TMEM100: variants seen among roughly 807,000 people sequenced by gnomAD.
TMEM100 encodes transmembrane protein 100.
For synonymous variants in TMEM100, 61 were observed against 67.1 expected, an observed-to-expected ratio of 0.91 and a Z score of 0.44; for missense variants, 137 against 168.2, an observed-to-expected ratio of 0.81 and a Z score of 1.02.
Position 55,720,398 on chromosome 17 carries a change from G to T in TMEM100, c.*268C>A. 2.1e-6 allele frequency: 1 copy of T among 472,998 alleles called. No homozygotes were observed. Among genetic ancestry groups the T allele is most frequent in the African/African-American group, 1.9e-5 (1 of 51,834 alleles). 29.3% of individuals were successfully genotyped at this position (472,998 alleles called of 1,614,324 possible). A position where few individuals can be genotyped will look rare whatever the true frequency, so the allele number is the denominator to read the frequency against. On this transcript the variant is annotated 3_prime_UTR_variant, in exon 2 of 2. Coordinates refer to ENST00000424486, the MANE Select transcript of TMEM100 (RefSeq NM_018286.3). ...CAGGGTGAACCAAATACTGTCTAAT[G>T]CTGTGCACTCCCATGACCCCCAAAG...
upstream of TMEM100, among the ~76,000 whole-genome samples, chr17:55,725,701 A>ATGTGTGTGTGTGTGTG (rs57564459): frequency 1.1e-4 from 16 of 139,678 alleles, no homozygotes; most frequent in East Asian, 1.3e-3. Context: ...ACCCATATAT[A>ATGTGTGTGTGTGTGTG]TGTGTGTGTG....
chr17:55,722,162 G>A (rs1908914264), intron 1 of TMEM100, among the ~76,000 whole-genome samples: 1 of 152,164 alleles, frequency 6.6e-6, no homozygotes, highest in East Asian at 1.9e-4. Flanking sequence ...CTGTCTATGA[G>A]AAATCAGTGA....
intron 1 of TMEM100, among the ~76,000 whole-genome samples, chr17:55,728,323 G>T: frequency 6.6e-6 from 1 of 152,202 alleles, no homozygotes; most frequent in South Asian, 2.1e-4. Context: ...TGGGTTCAGG[G>T]TGATATCCTC....
At chr17:55,730,552 C>T (rs575427229) in intron 1 of TMEM100, among the ~76,000 whole-genome samples, 2 of 151,978 alleles carry the variant, frequency 1.3e-5, no homozygotes, top group Non-Finnish European at 2.9e-5. Context: ...AGTAAACTTG[C>T]CTTCAAATAA....
intron 1 of TMEM100, among the ~76,000 whole-genome samples, chr17:55,729,590 C>T (rs572356792): frequency 2.2e-4 from 34 of 152,038 alleles, no homozygotes; most frequent in African/African-American, 6.3e-4. Flanking sequence ...AATAAAATTT[C>T]GAGTAAAATT....
intron 1 of TMEM100, among the ~76,000 whole-genome samples, chr17:55,728,341 A>T (rs943239936): frequency 6.6e-6 from 1 of 152,086 alleles, no homozygotes; most frequent in Non-Finnish European, 1.5e-5. Flanking sequence ...CTCTAACTAG[A>T]TTTAGTTTGG....
In TMEM100 at chr17:55,721,092, C is replaced by A; in HGVS notation, c.-22G>T. ...TCATTTTTACAACAGTGCTTCTAAGCTGGGTTTACAGACTAGATCTGGACA... is the reference window on the plus strand; with the variant it reads ...TCATTTTTACAACAGTGCTTCTAAGATGGGTTTACAGACTAGATCTGGACA... On this transcript the variant is annotated 5_prime_UTR_variant, in exon 2 of 2. Coordinates refer to ENST00000424486, the MANE Select transcript of TMEM100 (RefSeq NM_018286.3). 6.3e-7 allele frequency: 1 copy of A among 1,589,308 alleles called. No homozygotes were observed. Among genetic ancestry groups the A allele is most frequent in the Non-Finnish European group, 8.6e-7 (1 of 1,168,354 alleles).
At chr17:55,726,294 A>G (rs1426005258), upstream of TMEM100, among the ~76,000 whole-genome samples, 1 of 152,190 alleles carries the variant, frequency 6.6e-6, no homozygotes, top group Non-Finnish European at 1.5e-5. Flanking sequence ...AAACAAAATG[A>G]AAGACAAAGT....
In TMEM100 at chr17:55,721,113, G is replaced by A; in HGVS notation, c.-43C>T. The A allele has an allele frequency of 6.4e-7, 1 of 1,559,202 alleles. No homozygotes were observed. The highest frequency in any genetic ancestry group is 8.7e-7 in the Non-Finnish European group (1 of 1,153,644). Reference sequence around the variant, plus strand: ...TAAGCTGGGTTTACAGACTAGATCTGGACAGTCTCACCAGGGTGAAAGCTG... The same window carrying A: ...TAAGCTGGGTTTACAGACTAGATCTAGACAGTCTCACCAGGGTGAAAGCTG... On this transcript the variant is annotated 5_prime_UTR_variant, in exon 2 of 2. An upstream open reading frame in the 5' UTR gains an earlier in-frame stop. Coordinates refer to ENST00000424486, the MANE Select transcript of TMEM100 (RefSeq NM_018286.3).
intron 1 of TMEM100, 138 bp from the exon 2 acceptor site, chr17:55,721,273 G>T: frequency 1.7e-6 from 1 of 578,046 alleles, no homozygotes; most frequent in Non-Finnish European, 2.9e-6. Flanking sequence ...TTTTTGAATT[G>T]GTTGCATTCT....
upstream of TMEM100, among the ~76,000 whole-genome samples, chr17:55,723,793 A>G (rs114700351): frequency 7.0e-3 from 1,069 of 152,310 alleles, 12 homozygotes; most frequent in African/African-American, 0.024. Flanking sequence ...GGCCCACTTT[A>G]AGGATCAAGG....
rs1908846614 is a variant in TMEM100 at position 55,720,732 on chromosome 17, G to T, written c.339C>A (p.Ser113Arg). 6.2e-7 allele frequency: 1 copy of T among 1,614,088 alleles called. No homozygotes were observed. The highest frequency in any genetic ancestry group is 8.5e-7 in the Non-Finnish European group (1 of 1,180,016). The change falls in exon 2 of 2, where the codon AGC (serine) becomes AGA (arginine). Residue 113 changes from serine (S) to arginine (R), a missense_variant. Transcript: ENST00000424486. ...SALCWKVRQRSKKAKRRESQT... is the reference protein window; with the variant it reads ...SALCWKVRQRRKKAKRRESQT... ...GACTCTCCCGTCTCTTGGCTTTCTT[G>T]CTCCTTTGTCTCACTTTCCAGCACA...
At chr17:55,725,559 T>C (rs1241297343), upstream of TMEM100, among the ~76,000 whole-genome samples, 1 of 151,976 alleles carries the variant, frequency 6.6e-6, no homozygotes, top group African/African-American at 2.4e-5. Flanking sequence ...GGGATGCAAA[T>C]CACCACATTA....
Position 55,720,424 on chromosome 17 carries a change from T to G in TMEM100, c.*242A>C, listed in dbSNP as rs1396275743. The G allele has an allele frequency of 1.1e-5, 6 of 540,182 alleles. No individual in the cohort carries two copies. Among genetic ancestry groups the G allele is most frequent in the African/African-American group, 1.9e-5 (1 of 53,024 alleles). 33.5% of individuals were successfully genotyped at this position (540,182 alleles called of 1,614,324 possible). ...CTGTGCACTCCCATGACCCCCAAAGTGTTTCATGTAAATAGAAAGCTGATT... is the reference window on the plus strand; with the variant it reads ...CTGTGCACTCCCATGACCCCCAAAGGGTTTCATGTAAATAGAAAGCTGATT... On this transcript the variant is annotated 3_prime_UTR_variant, in exon 2 of 2. Coordinates refer to ENST00000424486, the MANE Select transcript of TMEM100 (RefSeq NM_018286.3).
At chr17:55,729,616 A>G (rs912808960) in intron 1 of TMEM100, among the ~76,000 whole-genome samples, 1 of 152,180 alleles carries the variant, frequency 6.6e-6, no homozygotes, top group African/African-American at 2.4e-5. Flanking sequence ...TAATTTTATA[A>G]TTCACTTCAT....
At chr17:55,727,192 G>C (rs564172032), upstream of TMEM100, among the ~76,000 whole-genome samples, 1 of 152,160 alleles carries the variant, frequency 6.6e-6, no homozygotes, top group Non-Finnish European at 1.5e-5. Context: ...TGATTTTCTT[G>C]TCTCAAAATC....
At position 55,720,655 on chromosome 17, in the gene TMEM100, C is replaced by A; in HGVS notation, c.*11G>T. 1 of 1,585,726 alleles carries A rather than the reference C, an allele frequency of 6.3e-7. No individual in the cohort carries two copies. The highest frequency in any genetic ancestry group is 1.2e-5 in the South Asian group (1 of 85,492). ...TTCCAGGCCCAATGGCCCATTTGGT[C>A]GTATTCAGTCTCAAGCAAACAAGCT... On this transcript the variant is annotated 3_prime_UTR_variant, in exon 2 of 2. Transcript: ENST00000424486.
chr17:55,720,394 T>C lies in TMEM100; in HGVS notation c.*272A>G. The C allele has an allele frequency of 2.2e-6, 1 of 461,422 alleles. No homozygotes were observed. Among genetic ancestry groups the C allele is most frequent in the African/African-American group, 1.9e-5 (1 of 51,600 alleles). The allele number at this position is 461,422 out of a possible 1,614,324, so 28.6% of individuals were successfully genotyped here. ...TTTACAGGGTGAACCAAATACTGTC[T>C]AATGCTGTGCACTCCCATGACCCCC... On this transcript the variant is annotated 3_prime_UTR_variant, in exon 2 of 2. Coordinates refer to ENST00000424486, the MANE Select transcript of TMEM100 (RefSeq NM_018286.3).
rs893312906 is a variant in TMEM100 at position 55,720,311 on chromosome 17, G to C, written c.*355C>G. The C allele has an allele frequency of 1.9e-5, 4 of 209,054 alleles. No homozygotes were observed. Among genetic ancestry groups the C allele is most frequent in the Non-Finnish European group, 3.8e-5 (4 of 104,422 alleles). The allele number at this position is 209,054 out of a possible 1,614,324, so 12.9% of individuals were successfully genotyped here. On this transcript the variant is annotated 3_prime_UTR_variant, in exon 2 of 2. Transcript: ENST00000424486. Reference sequence around the variant, plus strand: ...TTAAGACTGTAGGTTATTTCTTTTGGAGGCAAATGTCTAGTGTGCCAGGCC... The same window carrying C: ...TTAAGACTGTAGGTTATTTCTTTTGCAGGCAAATGTCTAGTGTGCCAGGCC...
Sources: allele counts gnomAD v4.1 joint callset (sites outside exome capture counted in the v4.1 genomes callset), GRCh38; gene constraint gnomAD v4.1.1; transcripts MANE v1.5; gene names NCBI Gene and HGNC (gene_info 2026-07-23, HGNC 2026-07-21).